Variants in THSD4 observed in about 807,000 individuals in gnomAD.
THSD4 encodes thrombospondin type-1 domain-containing protein 4.
In THSD4, 69 loss-of-function variants were observed where a neutral mutation model predicts 119.0. That is an observed-to-expected ratio of 0.58 (90% CI 0.48 to 0.71). The LOEUF is 0.71. Ranked by LOEUF, THSD4 falls within the 30% of genes least tolerant of loss-of-function variation. The pLI is 0.00. For synonymous variants in THSD4, 524 were observed against 540.4 expected (o/e 0.97, Z 0.42); for missense variants, 1,393 against 1,391.1 (o/e 1.00, Z -0.02).
At chr15:71,668,667 A>G (rs2051462840) in intron 8 of THSD4, among the ~76,000 whole-genome samples, 1 of 152,194 alleles carries the variant, frequency 6.6e-6, no homozygotes, top group Non-Finnish European at 1.5e-5. Flanking sequence ...AATTGGAGAA[A>G]GGGCAGCTTG....
chr15:71,111,130 T>C, upstream of THSD4: 2 of 1,595,396 alleles, frequency 1.3e-6, no homozygotes, highest in Non-Finnish European at 1.7e-6. Flanking sequence ...AGTTGTCTTG[T>C]ACCAGGTAAC....
chr15:71,489,559 T>G (rs1449152081), intron 7 of THSD4, among the ~76,000 whole-genome samples: 1 of 152,112 alleles, frequency 6.6e-6, no homozygotes, highest in African/African-American at 2.4e-5. Context: ...GTGCATTATT[T>G]TTAGGGCTTT....
rs761832138 is a variant in THSD4 at position 71,737,941 on chromosome 15, C to T, written c.1840C>T (p.Arg614Trp). The stretch of plus-strand genomic sequence containing the variant: ...GGTGCCACCAGCACCGCAGCCCCCA[C>T]GGCGCAGCCGGGATCACAACTGGAA... ...NLVPPAPQPP[R>W]RSRDHNWKQL... is the part of the protein sequence containing the mutation. Residue 614 changes from arginine to tryptophan, a missense_variant, in exon 11 of 18, where the codon CGG (arginine) becomes TGG (tryptophan). Transcript: ENST00000261862. 23 of 1,613,896 alleles carry T rather than the reference C, an allele frequency of 1.4e-5. No homozygotes were observed. Among genetic ancestry groups the T allele is most frequent in the South Asian group, 4.4e-5 (4 of 91,058 alleles).
intron 7 of THSD4, among the ~76,000 whole-genome samples, chr15:71,499,439 AT>A (rs770059436): frequency 5.3e-5 from 8 of 151,760 alleles, no homozygotes; most frequent in African/African-American, 7.3e-5. Flanking sequence ...CTTCTAAGCA[AT>A]TTGAGGACCA....
chr15:71,720,546 A>C (rs1307456190), intron 8 of THSD4, among the ~76,000 whole-genome samples: 1 of 152,248 alleles, frequency 6.6e-6, no homozygotes, highest in Non-Finnish European at 1.5e-5. Flanking sequence ...CCACATTCAT[A>C]ATAAAACGAA....
At chr15:71,281,276 A>C (rs1760375184) in intron 6 of THSD4, among the ~76,000 whole-genome samples, 1 of 152,248 alleles carries the variant, frequency 6.6e-6, no homozygotes, top group Admixed American at 6.5e-5. Flanking sequence ...ATGCTTGTTA[A>C]TTAAAACATT....
At chr15:71,640,285 T>A (rs1302928890) in intron 7 of THSD4, among the ~76,000 whole-genome samples, 2 of 151,770 alleles carry the variant, frequency 1.3e-5, no homozygotes, top group Non-Finnish European at 1.5e-5. Flanking sequence ...TTCACCATGT[T>A]GCCCAGGGAG....
intron 16 of THSD4, chr15:71,766,701 T>C (rs1332673157): frequency 6.6e-6 from 1 of 151,856 alleles, no homozygotes; most frequent in Non-Finnish European, 1.5e-5. Flanking sequence ...ATTTGGAGAG[T>C]CTACAAAGAG....
intron 6 of THSD4, among the ~76,000 whole-genome samples, chr15:71,297,038 G>A (rs1017465948): frequency 1.3e-5 from 2 of 151,974 alleles, no homozygotes; most frequent in Non-Finnish European, 2.9e-5. Flanking sequence ...ATCTTTTCAT[G>A]AGCTTATTGC....
At chr15:71,263,854 A>T (rs2044432659) in intron 6 of THSD4, among the ~76,000 whole-genome samples, 1 of 152,230 alleles carries the variant, frequency 6.6e-6, no homozygotes, top group Non-Finnish European at 1.5e-5. Context: ...GGCTGGCCCT[A>T]GTGACTAGCA....
chr15:71,746,012 T>C (rs1222049496), intron 12 of THSD4, among the ~76,000 whole-genome samples: 1 of 152,144 alleles, frequency 6.6e-6, no homozygotes, highest in Non-Finnish European at 1.5e-5. Flanking sequence ...CCTAAAAGGG[T>C]CAAAACCTAA....
chr15:71,322,622 T>C (rs886239962), intron 6 of THSD4, among the ~76,000 whole-genome samples: 6 of 152,204 alleles, frequency 3.9e-5, no homozygotes, highest in Non-Finnish European at 7.4e-5. Context: ...TCTGGTTCAG[T>C]GTCTGTCATG....
Position 71,344,289 on chromosome 15 carries a change from C to T in THSD4, c.1016-67398C>T, listed in dbSNP as rs1035651702. Among the ~76,000 whole-genome samples the T allele has an allele frequency of 2.0e-4, 30 of 152,066 alleles. 1 individual carries two copies. The highest frequency in any genetic ancestry group is 1.5e-3 in the Admixed American group (23 of 15,300). ...CGATCTCCTGACCTCGTGATCCACC[C>T]GCCTCGGCCCCCCAAAGTACTGGGA... On this transcript the variant is annotated intron_variant, in intron 6 of 17. Transcript: ENST00000261862.
At chr15:71,328,636 CT>C (rs2045379069) in intron 6 of THSD4, among the ~76,000 whole-genome samples, 1 of 152,152 alleles carries the variant, frequency 6.6e-6, no homozygotes, top group South Asian at 2.1e-4. Context: ...TCAGTTGGAA[CT>C]TTTTTTAGAC....
At chr15:71,603,643 C>A (rs1190306102) in intron 7 of THSD4, among the ~76,000 whole-genome samples, 1 of 147,796 alleles carries the variant, frequency 6.8e-6, no homozygotes, top group Non-Finnish European at 1.5e-5. Flanking sequence ...CTGAGCAAGC[C>A]GATGGGATTT....
chr15:71,561,286 A>G (rs1281130475), intron 7 of THSD4, among the ~76,000 whole-genome samples: 1 of 152,144 alleles, frequency 6.6e-6, no homozygotes, highest in East Asian at 1.9e-4. Flanking sequence ...CTTTATCTTT[A>G]AAATGGGAGG....
rs555447964 is a variant in THSD4 at position 71,369,806 on chromosome 15, G to A, written c.1016-41881G>A. The stretch of plus-strand genomic sequence containing the variant: ...GATGCTGGCCTCATAAAATGAGTTA[G>A]GGAGGATTCCCTCTTTTTCTATTGA... On this transcript the variant is annotated intron_variant, in intron 6 of 17. Transcript: ENST00000261862. Among the ~76,000 whole-genome samples the A allele has an allele frequency of 7.6e-4, 116 of 152,306 alleles. 1 individual carries two copies. Among genetic ancestry groups the A allele is most frequent in the African/African-American group, 2.7e-3 (111 of 41,562 alleles).
intron 1 of THSD4, among the ~76,000 whole-genome samples, chr15:71,130,798 G>T (rs1567133561): frequency 6.6e-6 from 1 of 152,206 alleles, no homozygotes. Context: ...AGGCTGGAGT[G>T]CAGTGGTGCA....
At chr15:71,689,512 C>T (rs1471616539) in intron 8 of THSD4, among the ~76,000 whole-genome samples, 2 of 152,198 alleles carry the variant, frequency 1.3e-5, no homozygotes, top group South Asian at 2.1e-4. Context: ...ACAGAATAAG[C>T]CTTCCCCCTC....
Sources: allele counts gnomAD v4.1 joint callset (sites outside exome capture counted in the v4.1 genomes callset), GRCh38; gene constraint gnomAD v4.1.1; transcripts MANE v1.5; gene names NCBI Gene and HGNC (gene_info 2026-07-23, HGNC 2026-07-21).